The following RALGPS1 variants were observed in gnomAD, a reference collection of about 807,000 sequenced individuals.
RALGPS1 encodes the protein Ral GEF with PH domain and SH3 binding motif 1.
In RALGPS1, 19 loss-of-function variants were observed where a neutral mutation model predicts 78.8. That is an observed-to-expected ratio of 0.24 (90% CI 0.17 to 0.35). RALGPS1 has a LOEUF of 0.35. Among genes scored for constraint, RALGPS1 ranks in the 10% least tolerant of loss-of-function variants. RALGPS1 has a pLI of 1.00. For missense variants in RALGPS1, 454 were observed against 688.3 expected (o/e 0.66, Z 3.81); for synonymous variants, 228 against 256.3 (o/e 0.89, Z 1.06).
intron 3 of RALGPS1, among the ~76,000 whole-genome samples, chr9:126,974,045 G>A (rs1172002228): frequency 2.0e-5 from 3 of 151,986 alleles, no homozygotes; most frequent in East Asian, 3.9e-4. Context: ...GCTAATTTTT[G>A]TATGTCATAT....
intron 1 of RALGPS1, among the ~76,000 whole-genome samples, chr9:126,952,298 A>G (rs1348136001): frequency 2.0e-5 from 3 of 152,110 alleles, no homozygotes; most frequent in South Asian, 4.2e-4. Context: ...CTTTCTTGGG[A>G]GAGAGGCCAG....
intron 11 of RALGPS1, chr9:127,177,875 A>G (rs2059971182): frequency 1.3e-6 from 2 of 1,548,814 alleles, no homozygotes; most frequent in Non-Finnish European, 1.7e-6. Context: ...CCACACCTCT[A>G]CTTGGCTCTG....
At chr9:127,093,617 G>C in intron 8 of RALGPS1, 1 of 1,295,644 alleles carries the variant, frequency 7.7e-7, no homozygotes, top group African/African-American at 1.5e-5. Context: ...GGCCGCACAG[G>C]CCTGGGCTTG....
intron 14 of RALGPS1, among the ~76,000 whole-genome samples, chr9:127,208,984 A>G (rs998599390): frequency 6.6e-6 from 1 of 152,214 alleles, no homozygotes; most frequent in Non-Finnish European, 1.5e-5. Context: ...CACGAGAAGA[A>G]AAGTGGCAAA....
At chr9:127,077,232 A>G (rs2050757105) in intron 8 of RALGPS1, among the ~76,000 whole-genome samples, 1 of 152,310 alleles carries the variant, frequency 6.6e-6, no homozygotes, top group Middle Eastern at 3.4e-3. Flanking sequence ...AGTGAAGGCC[A>G]GTTAGGGGAT....
chr9:127,215,534 G>A (rs1053151262), intron 18 of RALGPS1, among the ~76,000 whole-genome samples: 4 of 152,200 alleles, frequency 2.6e-5, no homozygotes, highest in Admixed American at 2.6e-4. Context: ...TCAGAAAGGG[G>A]CAGACACACA....
intron 8 of RALGPS1, chr9:127,088,534 A>G (rs1325167662): frequency 4.8e-6 from 1 of 207,806 alleles, no homozygotes; most frequent in Admixed American, 5.3e-5. Flanking sequence ...GCAAACCTAT[A>G]TATGGATCTA....
intron 3 of RALGPS1, among the ~76,000 whole-genome samples, chr9:126,968,312 C>T (rs564285626): frequency 5.6e-4 from 85 of 152,142 alleles, no homozygotes; most frequent in African/African-American, 2.0e-3. Context: ...ACCAAGAGTT[C>T]AATTCTTACA....
chr9:126,982,058 A>G (rs1283429510), intron 4 of RALGPS1, among the ~76,000 whole-genome samples: 2 of 152,220 alleles, frequency 1.3e-5, no homozygotes, highest in Non-Finnish European at 2.9e-5. Context: ...TCCTCATGGC[A>G]TGGCAGTTGA....
At chr9:127,161,274 A>T (rs1480189340) in intron 8 of RALGPS1, among the ~76,000 whole-genome samples, 2 of 152,200 alleles carry the variant, frequency 1.3e-5, no homozygotes, top group Non-Finnish European at 2.9e-5. Context: ...TGCTGCTTCA[A>T]ATAGGGCCAG....
chr9:127,165,103 G>A (rs1588273180), intron 8 of RALGPS1, among the ~76,000 whole-genome samples: 1 of 152,174 alleles, frequency 6.6e-6, no homozygotes, highest in Non-Finnish European at 1.5e-5. Flanking sequence ...CTGGACTTTT[G>A]TTTTTTAGAG....
chr9:126,979,844 G>A (rs1211961549), intron 4 of RALGPS1, among the ~76,000 whole-genome samples: 1 of 152,152 alleles, frequency 6.6e-6, no homozygotes, highest in Admixed American at 6.5e-5. Flanking sequence ...GAATCACCTG[G>A]ACAGTCTTGG....
intron 4 of RALGPS1, among the ~76,000 whole-genome samples, chr9:127,020,169 C>T (rs1333164819): frequency 6.6e-6 from 1 of 152,102 alleles, no homozygotes. Context: ...CCTGAGAGAA[C>T]TCACTGGTAA....
chr9:127,157,873 G>A (rs1043865460), intron 8 of RALGPS1, among the ~76,000 whole-genome samples: 6 of 152,192 alleles, frequency 3.9e-5, no homozygotes, highest in Middle Eastern at 3.4e-3. Context: ...ATAGCAGTAT[G>A]TCAGATATTC....
intron 4 of RALGPS1, among the ~76,000 whole-genome samples, chr9:127,024,510 C>G (rs540992188): frequency 1.3e-5 from 2 of 151,676 alleles, no homozygotes; most frequent in Admixed American, 1.3e-4. Context: ...TGAGCTTCAC[C>G]AAACTCATCA....
intron 1 of RALGPS1, among the ~76,000 whole-genome samples, chr9:126,925,202 A>G (rs181073578): frequency 6.6e-6 from 1 of 152,232 alleles, no homozygotes; most frequent in African/African-American, 2.4e-5. Context: ...CCTTTAGCTT[A>G]CAGTCTAGTA....
At chr9:127,062,979 A>C (rs1294607251) in intron 7 of RALGPS1, among the ~76,000 whole-genome samples, 1 of 152,218 alleles carries the variant, frequency 6.6e-6, no homozygotes, top group African/African-American at 2.4e-5. Flanking sequence ...ATTATCCACA[A>C]CACTAAAAAT....
At chr9:127,078,198 A>G (rs1019144948) in intron 8 of RALGPS1, among the ~76,000 whole-genome samples, 2 of 152,160 alleles carry the variant, frequency 1.3e-5, no homozygotes. Flanking sequence ...GAAGGAAACT[A>G]TTTCCATGAT....
chr9:127,048,938 A>G (rs1366944313), intron 5 of RALGPS1, among the ~76,000 whole-genome samples: 1 of 152,204 alleles, frequency 6.6e-6, no homozygotes, highest in African/African-American at 2.4e-5. Context: ...TAAAAAGCAC[A>G]TTGTTGATTC....
Sources: allele counts gnomAD v4.1 joint callset (sites outside exome capture counted in the v4.1 genomes callset), GRCh38; gene constraint gnomAD v4.1.1; transcripts MANE v1.5; gene names NCBI Gene and HGNC (gene_info 2026-07-23, HGNC 2026-07-21).